The following FBXL14 variants were observed in gnomAD, a reference collection of about 807,000 sequenced individuals.
The protein encoded by FBXL14 is F-box and leucine rich repeat protein 14, also known as F-box/LRR-repeat protein 14.
Under a neutral mutation model 24.5 loss-of-function variants are expected in FBXL14, and 11 were observed. The ratio of observed to expected loss-of-function variants is 0.45; its 90% CI spans 0.28 to 0.74. The LOEUF is 0.74. Among genes scored for constraint, FBXL14 ranks in the 30% least tolerant of loss-of-function variants. FBXL14 has a pLI of 0.12. For synonymous variants in FBXL14, 294 were observed against 240.4 expected (o/e 1.22, Z -2.06); for missense variants, 384 against 545.6 (o/e 0.70, Z 2.95).
At chr12:1,583,621 T>G (rs2094471148) in intron 1 of FBXL14, among the ~76,000 whole-genome samples, 1 of 152,164 alleles carries the variant, frequency 6.6e-6, no homozygotes, top group Non-Finnish European at 1.5e-5. Flanking sequence ...GAGGTTGTGG[T>G]TCCCCTTGGG....
intron 1 of FBXL14, among the ~76,000 whole-genome samples, chr12:1,570,435 A>G (rs570816887): frequency 1.3e-5 from 2 of 152,222 alleles, no homozygotes; most frequent in South Asian, 4.1e-4. Context: ...AGGGCTCCGC[A>G]AAAAAAGTGC....
rs1042959327 is a variant in FBXL14, at chr12:1,569,494, G to A, written c.1195-2684C>T. 3.2e-4 allele frequency among the ~76,000 whole-genome samples: 48 copies of A among 151,200 alleles called. No homozygotes were observed. The highest frequency in any genetic ancestry group is 1.1e-3 in the African/African-American group (45 of 41,110). ...CGGCTCACTGCAAGCTCCGCTTCCC[G>A]GGTTCACGCCATTCTCCTGCCTCAG... On this transcript the variant is annotated intron_variant, in intron 1 of 1. Coordinates refer to ENST00000339235, the MANE Select transcript of FBXL14 (RefSeq NM_152441.3). This position sits in a 1 kb window ranked among gnomAD's most constrained non-coding sequence, Gnocchi z 4.2.
In FBXL14 at chr12:1,594,148, T is replaced by G; in HGVS notation, c.-82A>C. ...GGCCTCGGGCAGGCGACGAGAGCGC[T>G]TCTCCCCAGCCGCCGCCGCCGCCGC... On this transcript the variant is annotated 5_prime_UTR_variant, in exon 1 of 2. Transcript: ENST00000339235. The G allele has an allele frequency of 8.9e-7, 1 of 1,124,440 alleles. No homozygotes were observed. Among genetic ancestry groups the G allele is most frequent in the Non-Finnish European group, 1.1e-6 (1 of 907,360 alleles). The allele number at this position is 1,124,440 out of a possible 1,614,324, so 69.7% of individuals were successfully genotyped here.
chr12:1,579,224 G>C lies in FBXL14; in HGVS notation c.1195-12414C>G, dbSNP rs1565585291. ...TGTGCTTCTCTCTATCCAGTTCTCA[G>C]TTGTTTAGGGATCTTCTGAGGGCAA... On this transcript the variant is annotated intron_variant, in intron 1 of 1. Coordinates refer to ENST00000339235, the MANE Select transcript of FBXL14 (RefSeq NM_152441.3). The surrounding 1 kb of genome is among the most constrained non-coding windows in gnomAD (Gnocchi z 4.3). Among the ~76,000 whole-genome samples, 1 of 152,048 alleles carries C rather than the reference G, an allele frequency of 6.6e-6. No individual in the cohort carries two copies. Among genetic ancestry groups the C allele is most frequent in the Admixed American group, 6.6e-5 (1 of 15,224 alleles).
intron 1 of FBXL14, among the ~76,000 whole-genome samples, chr12:1,585,893 T>A (rs1221138841): frequency 1.3e-5 from 2 of 152,096 alleles, no homozygotes; most frequent in East Asian, 3.8e-4. Flanking sequence ...ATTTATAGCA[T>A]GTGAAATATG....
chr12:1,574,014 GAA>G (rs200835470), intron 1 of FBXL14, among the ~76,000 whole-genome samples: 2 of 116,728 alleles, frequency 1.7e-5, no homozygotes, highest in Non-Finnish European at 3.8e-5. Flanking sequence ...TCAAAAAAAA[GAA>G]AAAAAAAAAA....
At position 1,567,715 on chromosome 12, in the gene FBXL14, A is replaced by G. The variant is rs538341582; in HGVS notation, c.1195-905T>C. On this transcript the variant is annotated intron_variant, in intron 1 of 1. Coordinates refer to ENST00000339235, the MANE Select transcript of FBXL14 (RefSeq NM_152441.3). The surrounding 1 kb of genome is among the most constrained non-coding windows in gnomAD (Gnocchi z 4.8). Reference sequence around the variant, plus strand: ...GGAGATGGGAATCTAAGAAAAAACCAAATGAAGTGACAGAGAGCAAAGCAC... The same window carrying G: ...GGAGATGGGAATCTAAGAAAAAACCGAATGAAGTGACAGAGAGCAAAGCAC... 1.6e-4 allele frequency among the ~76,000 whole-genome samples: 25 copies of G among 152,332 alleles called. No homozygotes were observed. In the South Asian group the frequency reaches 5.2e-3, roughly 32 times the overall value.
intron 1 of FBXL14, among the ~76,000 whole-genome samples, chr12:1,585,137 G>A (rs982847970): frequency 2.0e-5 from 3 of 152,172 alleles, no homozygotes; most frequent in African/African-American, 7.2e-5. Flanking sequence ...GGTGGCTCAC[G>A]CCTGTCATCC....
intron 1 of FBXL14, among the ~76,000 whole-genome samples, chr12:1,589,042 G>A (rs1263926002): frequency 6.6e-6 from 1 of 151,280 alleles, no homozygotes; most frequent in Non-Finnish European, 1.5e-5. Flanking sequence ...GGAAACCAAG[G>A]TATGACGAGT....
rs570513689 is a variant in FBXL14, at chr12:1,593,278, A to G, written c.789T>C (p.Cys263=). ...GSLRSLNLRS[C]DNISDTGIMH... ...TGATGCCCGTGTCACTGATGTTGTC[A>G]CAGGAGCGCAGGTTGAGGCTGCGCA... Residue 263 remains cysteine (C), a synonymous_variant, in exon 1 of 2, where the codon TGT becomes TGC. Coordinates refer to ENST00000339235, the MANE Select transcript of FBXL14 (RefSeq NM_152441.3). This position sits in a 1 kb window ranked among gnomAD's most constrained non-coding sequence, Gnocchi z 7.4. The G allele has an allele frequency of 1.9e-6, 3 of 1,612,754 alleles. No homozygotes were observed. In the South Asian group the frequency reaches 3.3e-5, roughly 18 times the overall value.
intron 1 of FBXL14, among the ~76,000 whole-genome samples, chr12:1,574,457 C>CAG (rs1284552084): frequency 7.5e-6 from 1 of 133,614 alleles, no homozygotes; most frequent in Non-Finnish European, 1.6e-5. Context: ...CTGGTGGCAG[C>CAG]CGTGTGGGTG....
rs2094497547 is a variant in FBXL14, at chr12:1,594,472, C to T, written c.-406G>A. On this transcript the variant is annotated 5_prime_UTR_variant, in exon 1 of 2. Transcript: ENST00000339235. ...CTGCCGCATCCTCCGCCTCCTGCCGCCGCCGCTGCTCCGCGGGCCGGCGGG... is the reference window on the plus strand; with the variant it reads ...CTGCCGCATCCTCCGCCTCCTGCCGTCGCCGCTGCTCCGCGGGCCGGCGGG... 2.0e-5 allele frequency among the ~76,000 whole-genome samples: 3 copies of T among 146,880 alleles called. No individual in the cohort carries two copies. The South Asian group carries it at 6.2e-4, about 31-fold the overall frequency.
rs1565593006 is a variant in FBXL14 at position 1,594,157 on chromosome 12, G to GCCA, written c.-92_-91insTGG. The GCCA allele has an allele frequency of 1.6e-6, 1 of 621,134 alleles. No homozygotes were observed. Among genetic ancestry groups the GCCA allele is most frequent in the Non-Finnish European group, 1.9e-6 (1 of 528,996 alleles). 38.5% of individuals were successfully genotyped at this position (621,134 alleles called of 1,614,324 possible). On this transcript the variant is annotated 5_prime_UTR_variant, in exon 1 of 2. Transcript: ENST00000339235. Reference sequence around the variant, plus strand: ...CAGGCGACGAGAGCGCTTCTCCCCAGCCGCCGCCGCCGCCGCCGCCGCCGC... The same window carrying GCCA: ...CAGGCGACGAGAGCGCTTCTCCCCAGCCACCGCCGCCGCCGCCGCCGCCGCCGC...
chr12:1,579,216 A>G lies in FBXL14; in HGVS notation c.1195-12406T>C, dbSNP rs908679715. On this transcript the variant is annotated intron_variant, in intron 1 of 1. Coordinates refer to ENST00000339235, the MANE Select transcript of FBXL14 (RefSeq NM_152441.3). The surrounding 1 kb of genome is among the most constrained non-coding windows in gnomAD (Gnocchi z 4.3). ...GTAGTATTTGTGCTTCTCTCTATCC[A>G]GTTCTCAGTTGTTTAGGGATCTTCT... 6.6e-6 allele frequency among the ~76,000 whole-genome samples: 1 copy of G among 152,118 alleles called. No individual in the cohort carries two copies. The highest frequency in any genetic ancestry group is 1.5e-5 in the Non-Finnish European group (1 of 68,002).
At chr12:1,589,001 T>C (rs1462002346) in intron 1 of FBXL14, among the ~76,000 whole-genome samples, 2 of 151,398 alleles carry the variant, frequency 1.3e-5, no homozygotes, top group East Asian at 3.9e-4. Flanking sequence ...TTCAAACAGC[T>C]ACCGTTCACT....
intron 1 of FBXL14, among the ~76,000 whole-genome samples, chr12:1,580,976 T>A (rs2094465098): frequency 6.6e-6 from 1 of 152,034 alleles, no homozygotes; most frequent in South Asian, 2.1e-4. Flanking sequence ...CTCTGAAGTA[T>A]CAAGCGGAAG....
rs1277551256 is a variant in FBXL14 at position 1,594,463 on chromosome 12, C to T, written c.-397G>A. ...CCACGCCCCCTGCCGCATCCTCCGCCTCCTGCCGCCGCCGCTGCTCCGCGG... is the reference window on the plus strand; with the variant it reads ...CCACGCCCCCTGCCGCATCCTCCGCTTCCTGCCGCCGCCGCTGCTCCGCGG... On this transcript the variant is annotated 5_prime_UTR_variant, in exon 1 of 2. Coordinates refer to ENST00000339235, the MANE Select transcript of FBXL14 (RefSeq NM_152441.3). Among the ~76,000 whole-genome samples, 2 of 146,540 alleles carry T rather than the reference C, an allele frequency of 1.4e-5. No homozygotes were observed. The highest frequency in any genetic ancestry group is 2.5e-5 in the African/African-American group (1 of 40,816).
intron 1 of FBXL14, among the ~76,000 whole-genome samples, chr12:1,573,529 C>G (rs922262737): frequency 1.3e-5 from 2 of 152,180 alleles, no homozygotes; most frequent in African/African-American, 4.8e-5. Context: ...GAGGATGTAA[C>G]ATTGCGGGGC....
chr12:1,581,429 C>T (rs1414971804), intron 1 of FBXL14, among the ~76,000 whole-genome samples: 1 of 152,158 alleles, frequency 6.6e-6, no homozygotes, highest in Non-Finnish European at 1.5e-5. Context: ...CCTTCCTCTG[C>T]AAAACGGAGC....
Sources: gnomAD v4.1 joint callset for allele counts (sites outside exome capture counted in the v4.1 genomes callset) on GRCh38, gnomAD v4.1.1 for gene constraint, Gnocchi (gnomAD v3.1) non-coding constraint, MANE v1.5 for transcripts, NCBI Gene and HGNC (gene_info 2026-07-23, HGNC 2026-07-21) for gene names.